Variants in RBFOX1 observed in about 807,000 individuals in gnomAD.
RBFOX1 encodes the protein RNA binding protein fox-1 homolog 1.
In RBFOX1, 8 loss-of-function variants were observed where a neutral mutation model predicts 57.7. That is an observed-to-expected ratio of 0.14 (90% confidence interval 0.08 to 0.25). The LOEUF (loss-of-function observed/expected upper bound fraction) is 0.25, where lower values mean the gene tolerates loss of function less well. RBFOX1 is among the 10% of genes least tolerant of loss of function. The probability of loss-of-function intolerance (pLI) is 1.00; values close to 1 mark genes in which losing one functional copy is unlikely to be tolerated. For missense variants in RBFOX1, 611 were observed against 548.5 expected, an observed-to-expected ratio of 1.11 and a Z score of -1.14; for synonymous variants, 326 against 222.4, an observed-to-expected ratio of 1.47 and a Z score of -4.15.
At chr16:6,888,432 T>C (rs1215003886) in intron 3 of RBFOX1, among the ~76,000 whole-genome samples, 1 of 152,198 alleles carries the variant, frequency 6.6e-6, no homozygotes, top group Non-Finnish European at 1.5e-5. Context: ...AAAGCAGTGT[T>C]CTCTTTATAT....
At chr16:5,307,213 G>A (rs1297568596) in intron 1 of RBFOX1, among the ~76,000 whole-genome samples, 2 of 152,118 alleles carry the variant, frequency 1.3e-5, no homozygotes, top group Non-Finnish European at 2.9e-5. Context: ...TGCATTTCAT[G>A]TTTGCATGCT....
At chr16:5,958,775 C>A (rs2059695024) in intron 4 of RBFOX1, among the ~76,000 whole-genome samples, 1 of 152,114 alleles carries the variant, frequency 6.6e-6, no homozygotes, top group Non-Finnish European at 1.5e-5. Context: ...CTTCTGGCAC[C>A]CACCCACATT....
chr16:6,628,677 A>G (rs2098342141), intron 2 of RBFOX1, among the ~76,000 whole-genome samples: 1 of 152,078 alleles, frequency 6.6e-6, no homozygotes, highest in African/African-American at 2.4e-5. Context: ...CTGAGGTAAA[A>G]TTTATTGATA....
intron 4 of RBFOX1, among the ~76,000 whole-genome samples, chr16:5,910,334 C>G (rs1424641633): frequency 6.6e-6 from 1 of 152,106 alleles, no homozygotes; most frequent in Non-Finnish European, 1.5e-5. Context: ...CCATAGCACC[C>G]CAAATTCAGT....
chr16:6,662,131 G>T (rs973146840), intron 3 of RBFOX1, among the ~76,000 whole-genome samples: 1 of 147,438 alleles, frequency 6.8e-6, no homozygotes, highest in Non-Finnish European at 1.5e-5. Context: ...AGGGCTGGGG[G>T]CGGGGTGAAA....
intron 3 of RBFOX1, among the ~76,000 whole-genome samples, chr16:6,875,832 T>A (rs1043538577): frequency 3.0e-4 from 46 of 151,888 alleles, no homozygotes; most frequent in African/African-American, 1.1e-3. Context: ...TGGTGAAACC[T>A]CATCTCTACA....
chr16:6,507,598 G>C (rs911693336), intron 2 of RBFOX1, among the ~76,000 whole-genome samples: 6 of 151,382 alleles, frequency 4.0e-5, no homozygotes, highest in African/African-American at 1.2e-4. Flanking sequence ...TTGAGCCCAG[G>C]AGGTGGAGGC....
intron 1 of RBFOX1, among the ~76,000 whole-genome samples, chr16:6,131,323 T>C (rs2096628165): frequency 6.6e-6 from 1 of 152,238 alleles, no homozygotes. Context: ...ATTGGTACTT[T>C]GCTGTACTGA....
At chr16:7,460,435 GT>G (rs2059372882) in intron 4 of RBFOX1, among the ~76,000 whole-genome samples, 3 of 134,926 alleles carry the variant, frequency 2.2e-5, no homozygotes, top group Non-Finnish European at 4.7e-5. Flanking sequence ...ATATGTGTGT[GT>G]ATATATGTAT....
At chr16:6,084,358 C>T (rs1024822643) in intron 1 of RBFOX1, among the ~76,000 whole-genome samples, 1 of 152,104 alleles carries the variant, frequency 6.6e-6, no homozygotes. Flanking sequence ...ATCCCTTCAC[C>T]TCAGCCTCCC....
At chr16:6,123,237 A>C (rs540677933) in intron 1 of RBFOX1, among the ~76,000 whole-genome samples, 10 of 152,356 alleles carry the variant, frequency 6.6e-5, no homozygotes, top group African/African-American at 2.4e-4. Context: ...AATAGCCAAA[A>C]GGTGGAAACA....
intron 3 of RBFOX1, among the ~76,000 whole-genome samples, chr16:6,795,491 C>A (rs570905933): frequency 6.6e-6 from 1 of 151,944 alleles, no homozygotes; most frequent in Non-Finnish European, 1.5e-5. Context: ...TTGTTGGCTG[C>A]GCACGTTGGC....
intron 4 of RBFOX1, among the ~76,000 whole-genome samples, chr16:5,976,565 C>T (rs1401669269): frequency 2.0e-5 from 3 of 151,998 alleles, no homozygotes; most frequent in African/African-American, 7.2e-5. Flanking sequence ...TCTATCCTGC[C>T]ATCCTTGAAA....
At chr16:7,242,711 C>G (rs2094127251) in intron 4 of RBFOX1, among the ~76,000 whole-genome samples, 1 of 152,162 alleles carries the variant, frequency 6.6e-6, no homozygotes, top group Non-Finnish European at 1.5e-5. Flanking sequence ...CCAGTTGGAC[C>G]AGGTTTCTGA....
At chr16:5,432,555 GT>G (rs1567502943) in intron 1 of RBFOX1, among the ~76,000 whole-genome samples, 1 of 75,590 alleles carries the variant, frequency 1.3e-5, no homozygotes, top group Non-Finnish European at 2.7e-5. Context: ...TTTTTTGTTT[GT>G]TTGTTTTTTT....
At chr16:5,589,531 A>G (rs896009907) in intron 2 of RBFOX1, among the ~76,000 whole-genome samples, 4 of 152,202 alleles carry the variant, frequency 2.6e-5, no homozygotes, top group African/African-American at 9.6e-5. Flanking sequence ...CATATAGCTC[A>G]TTAATAGATC....
chr16:7,613,966 C>T (rs1388721750), intron 10 of RBFOX1, among the ~76,000 whole-genome samples: 1 of 152,260 alleles, frequency 6.6e-6, no homozygotes. Context: ...ATAAAGCATG[C>T]CCTGTTTGGG....
chr16:7,628,646 C>G (rs1203462675), intron 10 of RBFOX1, among the ~76,000 whole-genome samples: 1 of 152,002 alleles, frequency 6.6e-6, no homozygotes, highest in African/African-American at 2.4e-5. Flanking sequence ...GAGTTTTGCT[C>G]TTGTCACCCA....
chr16:6,368,686 C>G (rs1446880685), intron 2 of RBFOX1, among the ~76,000 whole-genome samples: 1 of 152,194 alleles, frequency 6.6e-6, no homozygotes, highest in Non-Finnish European at 1.5e-5. Flanking sequence ...GGTTCATTCA[C>G]CATTCATTGA....
Sources: allele counts gnomAD v4.1 joint callset (sites outside exome capture counted in the v4.1 genomes callset), GRCh38; gene constraint gnomAD v4.1.1; transcripts MANE v1.5; gene names NCBI Gene and HGNC (gene_info 2026-07-23, HGNC 2026-07-21).